The following CEACAM21 variants were observed in gnomAD, a reference collection of about 807,000 sequenced individuals.
CEACAM21 encodes the protein cell adhesion molecule CEACAM21.
CEACAM21 carries 38 observed loss-of-function variants against 33.2 expected under a neutral mutation model. The ratio of observed to expected loss-of-function variants is 1.14; its 90% CI spans 0.88 to 1.50. CEACAM21 has a LOEUF of 1.50. Among genes scored for constraint, CEACAM21 ranks in the 40% most tolerant of loss-of-function variants. The probability of loss-of-function intolerance (pLI) is 0.00; values close to 1 mark genes in which losing one functional copy is unlikely to be tolerated. For missense variants in CEACAM21, 385 were observed against 364.6 expected, an observed-to-expected ratio of 1.06 and a Z score of -0.46; for synonymous variants, 156 against 143.0, an observed-to-expected ratio of 1.09 and a Z score of -0.65.
At chr19:41,585,812 T>C (rs782097509) in intron 5 of CEACAM21, 28 bp from the exon 6 acceptor site, 2 of 1,609,650 alleles carry the variant, frequency 1.2e-6, no homozygotes. Context: ...CCTAACACTC[T>C]CGTGCTCACT....
intron 3 of CEACAM21, among the ~76,000 whole-genome samples, chr19:41,580,551 G>T (rs1285707567): frequency 1.3e-5 from 2 of 152,152 alleles, no homozygotes; most frequent in African/African-American, 4.8e-5. Context: ...TGCTCAAACA[G>T]CTCTCAGGAC....
At chr19:41,561,179 A>AC (rs1302566063) in intron 1 of CEACAM21, among the ~76,000 whole-genome samples, 2 of 152,070 alleles carry the variant, frequency 1.3e-5, no homozygotes, top group Non-Finnish European at 2.9e-5. Flanking sequence ...TTTAAAACAA[A>AC]CTTTTTGAGA....
chr19:41,574,903 C>A (rs556060265), upstream of CEACAM21, among the ~76,000 whole-genome samples: 111 of 152,232 alleles, frequency 7.3e-4, no homozygotes, highest in African/African-American at 2.6e-3. Flanking sequence ...TTCATTGCAG[C>A]GGTTTTCACA....
chr19:41,579,333 G>C lies in CEACAM21; in HGVS notation c.425-20G>C. The C allele has an allele frequency of 6.2e-7, 1 of 1,613,924 alleles. No homozygotes were observed. The highest frequency in any genetic ancestry group is 8.5e-7 in the Non-Finnish European group (1 of 1,179,876). On this transcript the variant is annotated intron_variant, in intron 2 of 6. Transcript: ENST00000401445. ...GCAGCATGGCCCCAAGACACTTTCT[G>C]TTGGTCACTCTATCCACAGAGTCAG... is the stretch of plus-strand genomic sequence containing the variant.
At chr19:41,565,230 C>T (rs2042172991) in intron 2 of CEACAM21, among the ~76,000 whole-genome samples, 1 of 152,128 alleles carries the variant, frequency 6.6e-6, no homozygotes, top group African/African-American at 2.4e-5. Flanking sequence ...CGCCCCGCCC[C>T]GCTCCCCTGT....
At chr19:41,558,007 G>A (rs1344067498) in intron 1 of CEACAM21, among the ~76,000 whole-genome samples, 1 of 152,202 alleles carries the variant, frequency 6.6e-6, no homozygotes, top group Non-Finnish European at 1.5e-5. Context: ...AGTTTCGTCT[G>A]GGGACCTGAG....
At chr19:41,559,498 C>T (rs1442167838) in intron 1 of CEACAM21, among the ~76,000 whole-genome samples, 1 of 151,826 alleles carries the variant, frequency 6.6e-6, no homozygotes, top group African/African-American at 2.4e-5. Flanking sequence ...GAGCTACTTA[C>T]CCATTTTTAT....
chr19:41,585,911 C>G (rs1428029213), intron 6 of CEACAM21, 40 bp downstream of exon 6: 1 of 1,606,040 alleles, frequency 6.2e-7, no homozygotes, highest in African/African-American at 1.3e-5. Context: ...CACTGGGGCC[C>G]CAGCTGTGCA....
intron 1 of CEACAM21, among the ~76,000 whole-genome samples, chr19:41,563,381 C>T (rs1262287863): frequency 1.3e-5 from 2 of 152,198 alleles, no homozygotes; most frequent in Non-Finnish European, 2.9e-5. Context: ...GGCTGTTCCT[C>T]GGCGCTTCTG....
chr19:41,577,280 G>T lies in CEACAM21; in HGVS notation c.145G>T (p.Glu49Ter). ...AGCGCCCTTTGAAGTTGCTGAAGGG[G>T]AGAATGTTCATCTCTCTGTGGTTTA... ...ASAPFEVAEG[E>*]NVHLSVVYLP... The change falls in exon 2 of 7, where the codon GAG becomes TAG. Residue 49 changes from glutamate to a stop codon, truncating the protein, a stop_gained. Coordinates refer to ENST00000401445, the MANE Select transcript of CEACAM21 (RefSeq NM_001098506.4). LOFTEE classifies it high-confidence loss of function. The T allele has an allele frequency of 1.9e-6, 3 of 1,614,124 alleles. No homozygotes were observed. The highest frequency in any genetic ancestry group is 2.5e-6 in the Non-Finnish European group (3 of 1,180,024).
At chr19:41,562,361 A>G (rs2041942464) in intron 1 of CEACAM21, among the ~76,000 whole-genome samples, 1 of 152,208 alleles carries the variant, frequency 6.6e-6, no homozygotes, top group Admixed American at 6.5e-5. Flanking sequence ...TGCAGCACAT[A>G]CAGTTGACAA....
chr19:41,577,131 A>G, intron 1 of CEACAM21, 69 bp from the exon 2 acceptor site: 2 of 1,590,528 alleles, frequency 1.3e-6, no homozygotes, highest in South Asian at 1.1e-5. Flanking sequence ...AGAGACCTGC[A>G]CCCAGGACCC....
chr19:41,572,769 C>T (rs981663210), upstream of CEACAM21, among the ~76,000 whole-genome samples: 1 of 152,156 alleles, frequency 6.6e-6, no homozygotes, highest in Non-Finnish European at 1.5e-5. Flanking sequence ...AACATGCCCC[C>T]AACTGAAACC....
At chr19:41,580,617 T>C (rs2043304388) in intron 3 of CEACAM21, among the ~76,000 whole-genome samples, 1 of 152,176 alleles carries the variant, frequency 6.6e-6, no homozygotes, top group East Asian at 1.9e-4. Flanking sequence ...TTACAAAGGA[T>C]GCAGATGAAG....
chr19:41,559,949 A>G (rs557101162), intron 1 of CEACAM21, among the ~76,000 whole-genome samples: 1 of 152,306 alleles, frequency 6.6e-6, no homozygotes, highest in East Asian at 1.9e-4. Flanking sequence ...ACAACGTTGC[A>G]TCTCAGCCTG....
intron 2 of CEACAM21, among the ~76,000 whole-genome samples, chr19:41,566,365 T>C (rs1285256852): frequency 7.9e-5 from 12 of 152,246 alleles, no homozygotes; most frequent in Admixed American, 7.2e-4. Flanking sequence ...TTGGATTTCA[T>C]CAATTTTACA....
chr19:41,567,404 G>A (rs1399668900), intron 2 of CEACAM21, among the ~76,000 whole-genome samples: 1 of 152,218 alleles, frequency 6.6e-6, no homozygotes, highest in African/African-American at 2.4e-5. Flanking sequence ...ATATAGAAAT[G>A]TAGAAGTGTG....
At chr19:41,575,260 T>C (rs2042862823), upstream of CEACAM21, among the ~76,000 whole-genome samples, 1 of 152,216 alleles carries the variant, frequency 6.6e-6, no homozygotes, top group African/African-American at 2.4e-5. Context: ...TAAAAAATTA[T>C]GGTGATGGTT....
intron 2 of CEACAM21, among the ~76,000 whole-genome samples, chr19:41,570,886 T>G (rs2122203115): frequency 6.6e-6 from 1 of 151,916 alleles, no homozygotes; most frequent in East Asian, 1.9e-4. Context: ...AGGGGTGAGT[T>G]CAGGTGGAGG....
Sources: gnomAD v4.1 joint callset for allele counts (sites outside exome capture counted in the v4.1 genomes callset) on GRCh38, gnomAD v4.1.1 for gene constraint, MANE v1.5 for transcripts, NCBI Gene and HGNC (gene_info 2026-07-23, HGNC 2026-07-21) for gene names.